ANXA8: variants seen among roughly 807,000 people sequenced by gnomAD.
ANXA8 encodes annexin A8, also known as VAC-beta.
A neutral mutation model predicts 26.8 loss-of-function variants in ANXA8; 9 were observed. The ratio of observed to expected loss-of-function variants is 0.34; its 90% CI spans 0.20 to 0.59. The LOEUF is 0.59. Among genes scored for constraint, ANXA8 ranks in the 20% least tolerant of loss-of-function variants. The pLI, the probability that ANXA8 is intolerant of heterozygous loss-of-function variation, is 0.84. For synonymous variants in ANXA8, 39 were observed against 94.8 expected (o/e 0.41, Z 3.42); for missense variants, 83 against 238.5 (o/e 0.35, Z 4.29).
At chr10:47,490,011 C>G in the ANXA8 span, among the ~76,000 whole-genome samples, 2 of 150,286 alleles carry the variant, frequency 1.3e-5, no homozygotes, top group East Asian at 4.0e-4. Context: ...CTTGGCCCTG[C>G]CCGGCCTGGA....
At chr10:47,743,363 TATATATAC>T in the ANXA8 span, among the ~76,000 whole-genome samples, 4 of 35,118 alleles carry the variant, frequency 1.1e-4, no homozygotes, top group Non-Finnish European at 2.1e-4. Flanking sequence ...TACACATATA[TATATATAC>T]ATATATATGT....
At chr10:47,488,816 C>T (rs1840093109), upstream of ANXA8, among the ~76,000 whole-genome samples, 1 of 142,940 alleles carries the variant, frequency 7.0e-6, no homozygotes, top group Non-Finnish European at 1.5e-5. Context: ...CAAGCTCCAC[C>T]TTCCAGGTTC....
chr10:47,628,490 T>TA, the ANXA8 span, among the ~76,000 whole-genome samples: 2 of 151,202 alleles, frequency 1.3e-5, no homozygotes, highest in Non-Finnish European at 3.0e-5. Flanking sequence ...GAATTCTATT[T>TA]AAAATCAACA....
chr10:47,701,649 A>T, the ANXA8 span, among the ~76,000 whole-genome samples: 114 of 151,862 alleles, frequency 7.5e-4, 1 homozygote, highest in African/African-American at 2.6e-3. Context: ...GGATTGGAGG[A>T]ATAAGAAAAT....
At chr10:47,548,553 G>A in the ANXA8 span, among the ~76,000 whole-genome samples, 5 of 151,832 alleles carry the variant, frequency 3.3e-5, no homozygotes, top group South Asian at 2.1e-4. Flanking sequence ...CACCCACTTC[G>A]GTCTCCCAAA....
the ANXA8 span, among the ~76,000 whole-genome samples, chr10:47,894,623 CACCACACACT>C: frequency 1.9e-5 from 2 of 106,794 alleles, no homozygotes; most frequent in Non-Finnish European, 4.4e-5. Context: ...ACACTACACA[CACCACACACT>C]ACACACACCA....
At chr10:47,953,004 T>C in the ANXA8 span, among the ~76,000 whole-genome samples, 2 of 149,194 alleles carry the variant, frequency 1.3e-5, no homozygotes, top group African/African-American at 5.0e-5. Context: ...AAAGCTAAAT[T>C]TGTAAAGCTT....
the ANXA8 span, among the ~76,000 whole-genome samples, chr10:47,648,473 TG>T: frequency 1.3e-5 from 2 of 149,842 alleles, no homozygotes; most frequent in Non-Finnish European, 2.9e-5. Context: ...CAATCTTTTT[TG>T]AAGTTCTACC....
chr10:47,939,598 T>A, the ANXA8 span, among the ~76,000 whole-genome samples: 1 of 145,396 alleles, frequency 6.9e-6, no homozygotes, highest in Non-Finnish European at 1.5e-5. Context: ...GCTGGACGCC[T>A]CCACGGCATG....
the ANXA8 span, among the ~76,000 whole-genome samples, chr10:47,633,126 A>G: frequency 6.7e-6 from 1 of 149,486 alleles, no homozygotes; most frequent in African/African-American, 2.6e-5. Flanking sequence ...TGCATTTGGT[A>G]TGTTTTTGTT....
At chr10:47,646,164 C>T in the ANXA8 span, among the ~76,000 whole-genome samples, 3 of 147,364 alleles carry the variant, frequency 2.0e-5, no homozygotes, top group Non-Finnish European at 4.4e-5. Flanking sequence ...ATGTCTACAT[C>T]TGTCTTAGTT....
chr10:47,603,641 A>G, the ANXA8 span, among the ~76,000 whole-genome samples: 3 of 148,778 alleles, frequency 2.0e-5, no homozygotes. Flanking sequence ...CCTCCCAAGT[A>G]GCTGGGACTA....
chr10:47,701,464 T>A, the ANXA8 span, among the ~76,000 whole-genome samples: 1 of 151,940 alleles, frequency 6.6e-6, no homozygotes, highest in Admixed American at 6.6e-5. Flanking sequence ...TATAGGAGAA[T>A]GATTCACTAA....
At chr10:47,940,257 C>T in the ANXA8 span, among the ~76,000 whole-genome samples, 7 of 146,192 alleles carry the variant, frequency 4.8e-5, no homozygotes, top group African/African-American at 1.9e-4. Flanking sequence ...GTTGTTATCT[C>T]CTGGGCAGCT....
the ANXA8 span, among the ~76,000 whole-genome samples, chr10:47,940,191 G>A: frequency 6.6e-6 from 1 of 150,470 alleles, no homozygotes; most frequent in Non-Finnish European, 1.5e-5. Context: ...CTGGAAGGAT[G>A]CAAGAGAGTC....
chr10:47,742,947 G>A, the ANXA8 span, among the ~76,000 whole-genome samples: 48 of 137,686 alleles, frequency 3.5e-4, no homozygotes, highest in Admixed American at 1.3e-3. Context: ...GAGGTCAGGA[G>A]ATCGAGACCA....
the ANXA8 span, among the ~76,000 whole-genome samples, chr10:47,940,151 T>A: frequency 0.017 from 2,587 of 150,696 alleles, 29 homozygotes; most frequent in African/African-American, 0.06. Context: ...CTTTGCCTTG[T>A]TCCTGTTGGG....
At chr10:47,643,591 T>A in the ANXA8 span, among the ~76,000 whole-genome samples, 1,901 of 147,222 alleles carry the variant, frequency 0.013, no homozygotes, top group Middle Eastern at 0.049. Context: ...GCATTATTTT[T>A]AAAAAATTAA....
At chr10:47,493,727 GC>G in the ANXA8 span, among the ~76,000 whole-genome samples, 1 of 150,494 alleles carries the variant, frequency 6.6e-6, no homozygotes, top group South Asian at 2.1e-4. Flanking sequence ...GGGGACAACT[GC>G]CCTTCCCCCC....
Sources: gnomAD v4.1 joint callset for allele counts (sites outside exome capture counted in the v4.1 genomes callset) on GRCh38, gnomAD v4.1.1 for gene constraint, MANE v1.5 for transcripts, NCBI Gene and HGNC (gene_info 2026-07-23, HGNC 2026-07-21) for gene names.